The following KLHL1 variants were observed in gnomAD, a reference collection of about 807,000 sequenced individuals.
KLHL1 encodes the protein kelch like family member 1.
KLHL1 carries 47 observed loss-of-function variants against 77.7 expected under a neutral mutation model. That is an observed-to-expected ratio of 0.60 (90% CI 0.48 to 0.77). KLHL1 has a LOEUF of 0.77. Ranked by LOEUF, KLHL1 falls within the 30% of genes least tolerant of loss-of-function variation. KLHL1 has a pLI of 0.00. For missense variants in KLHL1, 925 were observed against 910.8 expected, an observed-to-expected ratio of 1.02 and a Z score of -0.20; for synonymous variants, 360 against 325.2, an observed-to-expected ratio of 1.11 and a Z score of -1.15.
chr13:69,898,347 C>T (rs1881721971), intron 4 of KLHL1, among the ~76,000 whole-genome samples: 1 of 152,170 alleles, frequency 6.6e-6, no homozygotes, highest in Admixed American at 6.5e-5. Flanking sequence ...CTGTGCACCC[C>T]AGAGGAGATC....
chr13:69,936,497 G>A (rs1883191795), intron 4 of KLHL1, among the ~76,000 whole-genome samples: 2 of 151,146 alleles, frequency 1.3e-5, no homozygotes, highest in South Asian at 4.2e-4. Flanking sequence ...TCTGGGACAG[G>A]AGAATTGCCC....
At chr13:69,955,263 A>T (rs1883830565) in intron 3 of KLHL1, among the ~76,000 whole-genome samples, 1 of 151,398 alleles carries the variant, frequency 6.6e-6, no homozygotes, top group African/African-American at 2.4e-5. Context: ...GACATTAAAC[A>T]TCTCAGCCCC....
intron 1 of KLHL1, among the ~76,000 whole-genome samples, chr13:69,992,869 T>C (rs180867419): frequency 3.3e-5 from 5 of 151,900 alleles, no homozygotes; most frequent in African/African-American, 7.2e-5. Context: ...ATATAGTCAA[T>C]ATGAGATAAT....
intron 6 of KLHL1, among the ~76,000 whole-genome samples, chr13:69,799,605 CT>C (rs1877285075): frequency 6.6e-6 from 1 of 152,168 alleles, no homozygotes; most frequent in South Asian, 2.1e-4. Flanking sequence ...ACTATGGCTA[CT>C]GTTAAGAATA....
At chr13:70,076,420 G>A (rs560508713) in intron 1 of KLHL1, among the ~76,000 whole-genome samples, 1 of 146,596 alleles carries the variant, frequency 6.8e-6, no homozygotes, top group East Asian at 2.0e-4. Flanking sequence ...TGGATCAACT[G>A]GATTGCCATA....
intron 4 of KLHL1, among the ~76,000 whole-genome samples, chr13:69,884,839 C>T (rs78881820): frequency 1.2e-3 from 180 of 152,018 alleles, no homozygotes; most frequent in African/African-American, 4.0e-3. Context: ...AAATTGAAAT[C>T]TATCTCGTAG....
chr13:69,892,306 G>A (rs1284152522), intron 4 of KLHL1, among the ~76,000 whole-genome samples: 1 of 152,160 alleles, frequency 6.6e-6, no homozygotes, highest in Non-Finnish European at 1.5e-5. Flanking sequence ...ACACACCTAT[G>A]TGTTGAGGTC....
At chr13:69,994,778 T>C (rs1885109043) in intron 1 of KLHL1, among the ~76,000 whole-genome samples, 1 of 152,062 alleles carries the variant, frequency 6.6e-6, no homozygotes, top group African/African-American at 2.4e-5. Flanking sequence ...GAATCTGTAA[T>C]GCTAATATTT....
At chr13:69,924,014 G>A (rs572005235) in intron 4 of KLHL1, among the ~76,000 whole-genome samples, 5 of 152,330 alleles carry the variant, frequency 3.3e-5, no homozygotes, top group South Asian at 4.1e-4. Context: ...GGCTAAGCCC[G>A]AGGGCTGTTG....
intron 3 of KLHL1, among the ~76,000 whole-genome samples, chr13:69,944,978 CTTTTTTTTTTTTTTT>C (rs750774784): frequency 2.5e-5 from 2 of 79,862 alleles, no homozygotes; most frequent in East Asian, 7.6e-4. Context: ...TATAAAACTT[CTTTTTTTTTTTTTTT>C]TTTTTTTTTT....
rs559071648 is a variant in KLHL1, at chr13:70,101,186, T to C, written c.497+6017A>G. Among the ~76,000 whole-genome samples the C allele has an allele frequency of 4.6e-5, 7 of 152,228 alleles. No individual in the cohort carries two copies. In the East Asian group the frequency reaches 1.4e-3, roughly 29 times the overall value. On this transcript the variant is annotated intron_variant, in intron 1 of 10. Coordinates refer to ENST00000377844, the MANE Select transcript of KLHL1 (RefSeq NM_020866.3). The stretch of plus-strand genomic sequence containing the variant: ...AGGCTTTCTTTATTTTTCTAAACAA[T>C]TTGAAATAGTACCATAGAAAGGCTA...
chr13:69,890,074 C>A (rs901511949), intron 4 of KLHL1, among the ~76,000 whole-genome samples: 3 of 151,794 alleles, frequency 2.0e-5, no homozygotes, highest in Non-Finnish European at 4.4e-5. Flanking sequence ...AAGGCTCTGG[C>A]CTTAAGAATT....
intron 6 of KLHL1, among the ~76,000 whole-genome samples, chr13:69,835,425 T>C (rs1216471628): frequency 6.6e-6 from 1 of 152,118 alleles, no homozygotes; most frequent in African/African-American, 2.4e-5. Flanking sequence ...AAAGCCAGCA[T>C]CTCTTGTGGA....
chr13:70,107,119 T>C lies in KLHL1; in HGVS notation c.497+84A>G, dbSNP rs978334789. 7 of 1,512,254 alleles carry C rather than the reference T, an allele frequency of 4.6e-6. No individual in the cohort carries two copies. In the African/African-American group the frequency reaches 7.0e-5, roughly 15 times the overall value. The allele number at this position is 1,512,254 out of a possible 1,614,324, so 93.7% of individuals were successfully genotyped here. A position where few individuals can be genotyped will look rare whatever the true frequency, so the allele number is the denominator to read the frequency against. The stretch of plus-strand genomic sequence containing the variant: ...CCCACATTTTCAACCTGAAACATTT[T>C]AGACTTAGTAGCCACATGAGCACAC... On this transcript the variant is annotated intron_variant, in intron 1 of 10. Coordinates refer to ENST00000377844, the MANE Select transcript of KLHL1 (RefSeq NM_020866.3).
chr13:70,026,288 A>G (rs1029046920), intron 1 of KLHL1, among the ~76,000 whole-genome samples: 1 of 152,140 alleles, frequency 6.6e-6, no homozygotes, highest in Non-Finnish European at 1.5e-5. Context: ...GCCCTGGATG[A>G]TATAAAATTA....
Position 69,938,270 on chromosome 13 carries a change from T to C in KLHL1, c.1014+1770A>G, listed in dbSNP as rs573979122. 1.2e-3 allele frequency among the ~76,000 whole-genome samples: 186 copies of C among 152,220 alleles called. 1 individual carries two copies. Among genetic ancestry groups the C allele is most frequent in the African/African-American group, 4.0e-3 (166 of 41,554 alleles). On this transcript the variant is annotated intron_variant, in intron 4 of 10. Transcript: ENST00000377844. ...TAAACATCTATAGAATACCAGAGCA[T>C]CACATTTTCAAAATAATTTGAAATC...
intron 3 of KLHL1, among the ~76,000 whole-genome samples, chr13:69,950,138 GAA>G (rs1251412727): frequency 1.3e-5 from 2 of 151,608 alleles, no homozygotes; most frequent in Admixed American, 6.6e-5. Context: ...GAAACTGTTA[GAA>G]AAGTCAGAAA....
intron 1 of KLHL1, among the ~76,000 whole-genome samples, chr13:70,075,340 A>G (rs576877398): frequency 4.0e-5 from 6 of 151,676 alleles, no homozygotes; most frequent in Admixed American, 6.6e-5. Context: ...AAAAAATAAA[A>G]TAAAAAAATA....
At chr13:69,867,918 G>A (rs779174406) in intron 5 of KLHL1, among the ~76,000 whole-genome samples, 4 of 151,504 alleles carry the variant, frequency 2.6e-5, no homozygotes, top group Non-Finnish European at 5.9e-5. Flanking sequence ...CGAGTTAATG[G>A]GTGCAGCACA....
Sources: gnomAD v4.1 joint callset for allele counts (sites outside exome capture counted in the v4.1 genomes callset) on GRCh38, gnomAD v4.1.1 for gene constraint, MANE v1.5 for transcripts, NCBI Gene and HGNC (gene_info 2026-07-23, HGNC 2026-07-21) for gene names.